Variants in SPAG16 observed in about 807,000 individuals in gnomAD.
SPAG16 encodes sperm associated antigen 16.
A neutral mutation model predicts 80.4 loss-of-function variants in SPAG16; 86 were observed. That is an observed-to-expected ratio of 1.07 (90% CI 0.90 to 1.28). The LOEUF is 1.28. Ranked by LOEUF, SPAG16 falls within the 50% of genes most tolerant of loss-of-function variation. The probability of loss-of-function intolerance (pLI) is 0.00; values close to 1 mark genes in which losing one functional copy is unlikely to be tolerated. For missense variants in SPAG16, 870 were observed against 765.3 expected, an observed-to-expected ratio of 1.14 and a Z score of -1.61; for synonymous variants, 294 against 265.9, an observed-to-expected ratio of 1.11 and a Z score of -1.03.
chr2:214,218,301 T>C (rs1489611797), intron 15 of SPAG16, among the ~76,000 whole-genome samples: 1 of 152,168 alleles, frequency 6.6e-6, no homozygotes, highest in African/African-American at 2.4e-5. Flanking sequence ...GGGGGACCCC[T>C]AGAAGTCCTG....
intron 12 of SPAG16, among the ~76,000 whole-genome samples, chr2:213,996,767 A>G (rs2046538421): frequency 6.6e-6 from 1 of 151,796 alleles, no homozygotes; most frequent in African/African-American, 2.4e-5. Context: ...ACGGGGTTTC[A>G]CCATGTTGGC....
chr2:213,624,662 C>G (rs2061898250), intron 10 of SPAG16, among the ~76,000 whole-genome samples: 1 of 152,204 alleles, frequency 6.6e-6, no homozygotes. Context: ...AGTTTCCACA[C>G]TTTTGACCAC....
chr2:214,050,135 A>G (rs1510553), intron 13 of SPAG16, among the ~76,000 whole-genome samples: 101,068 of 151,702 alleles, frequency 0.67, 35,063 homozygotes, highest in East Asian at 0.93. Flanking sequence ...AAGAGGCGAG[A>G]AGTGAAGCCA....
intron 5 of SPAG16, among the ~76,000 whole-genome samples, chr2:213,331,262 C>T (rs542898469): frequency 6.6e-6 from 1 of 152,286 alleles, no homozygotes; most frequent in Admixed American, 6.5e-5. Flanking sequence ...TCCCACATAA[C>T]ATTTCTAGAC....
At chr2:213,796,980 G>C (rs2071080592) in intron 10 of SPAG16, among the ~76,000 whole-genome samples, 1 of 151,734 alleles carries the variant, frequency 6.6e-6, no homozygotes, top group South Asian at 2.1e-4. Context: ...AAGTGATATT[G>C]ATGATCCTGA....
chr2:213,591,757 A>T (rs1318680148), intron 10 of SPAG16, among the ~76,000 whole-genome samples: 7 of 152,166 alleles, frequency 4.6e-5, no homozygotes, highest in Non-Finnish European at 1.0e-4. Context: ...AAGAAGAAAC[A>T]TGAGGAGTAA....
chr2:213,574,624 A>C (rs1026075093), intron 10 of SPAG16, among the ~76,000 whole-genome samples: 2 of 149,476 alleles, frequency 1.3e-5, no homozygotes, highest in African/African-American at 4.9e-5. Flanking sequence ...TGTAGTTGTA[A>C]CTCCTTACGA....
At chr2:213,389,178 T>C (rs2067606658) in intron 9 of SPAG16, among the ~76,000 whole-genome samples, 1 of 152,156 alleles carries the variant, frequency 6.6e-6, no homozygotes, top group South Asian at 2.1e-4. Flanking sequence ...AGACAGTCTT[T>C]TTACCAAATT....
chr2:213,787,456 A>G (rs965634653), intron 10 of SPAG16, among the ~76,000 whole-genome samples: 1 of 152,068 alleles, frequency 6.6e-6, no homozygotes, highest in Non-Finnish European at 1.5e-5. Context: ...TGTGTGAGAA[A>G]CTGAATGAAA....
intron 1 of SPAG16, among the ~76,000 whole-genome samples, chr2:213,286,768 A>G (rs1195695476): frequency 6.6e-6 from 1 of 152,216 alleles, no homozygotes; most frequent in African/African-American, 2.4e-5. Flanking sequence ...ATCGAGCAAG[A>G]CTTTGAAAGA....
At chr2:213,340,319 G>A in intron 6 of SPAG16, 49 bp downstream of exon 6, 1 of 1,230,252 alleles carries the variant, frequency 8.1e-7, no homozygotes, top group Non-Finnish European at 1.2e-6. Context: ...TTTAATACAT[G>A]TTAAGTAATT....
intron 15 of SPAG16, among the ~76,000 whole-genome samples, chr2:214,214,892 G>A (rs1309509817): frequency 6.6e-6 from 1 of 150,808 alleles, no homozygotes; most frequent in African/African-American, 2.4e-5. Flanking sequence ...GCAGCTGTCA[G>A]TATCTCACAG....
chr2:214,396,828 A>T (rs1701413677), intron 15 of SPAG16, among the ~76,000 whole-genome samples: 1 of 152,102 alleles, frequency 6.6e-6, no homozygotes, highest in South Asian at 2.1e-4. Flanking sequence ...TTATAGATCT[A>T]CATCAAGATC....
chr2:213,337,391 T>C (rs1307788707), intron 5 of SPAG16, among the ~76,000 whole-genome samples: 1 of 152,164 alleles, frequency 6.6e-6, no homozygotes, highest in Non-Finnish European at 1.5e-5. Flanking sequence ...TTGACAGAAG[T>C]AGGCTTCAGA....
At chr2:214,069,806 A>C (rs1449316623) in intron 13 of SPAG16, among the ~76,000 whole-genome samples, 1 of 152,056 alleles carries the variant, frequency 6.6e-6, no homozygotes, top group African/African-American at 2.4e-5. Context: ...AGATTTTATT[A>C]AAAATCTCAG....
intron 15 of SPAG16, among the ~76,000 whole-genome samples, chr2:214,158,556 A>G (rs73081029): frequency 0.01 from 1,531 of 152,168 alleles, 22 homozygotes; most frequent in African/African-American, 0.035. Flanking sequence ...TTACAGGACT[A>G]TATAAGAACC....
At chr2:214,312,896 G>C (rs1477105752) in intron 15 of SPAG16, among the ~76,000 whole-genome samples, 2 of 151,860 alleles carry the variant, frequency 1.3e-5, no homozygotes, top group Non-Finnish European at 2.9e-5. Context: ...CATTTCTATT[G>C]AGAGAGATCT....
At chr2:214,266,331 G>A (rs1042313396) in intron 15 of SPAG16, among the ~76,000 whole-genome samples, 4 of 151,898 alleles carry the variant, frequency 2.6e-5, no homozygotes, top group Non-Finnish European at 5.9e-5. Flanking sequence ...TAGAATCTTA[G>A]TAATGTTGAA....
intron 1 of SPAG16, chr2:213,285,966 A>C: frequency 2.5e-6 from 3 of 1,220,426 alleles, no homozygotes; most frequent in Non-Finnish European, 3.2e-6. Context: ...TATTTCCGTG[A>C]ACACATAGTT....
Sources: gnomAD v4.1 joint callset for allele counts (sites outside exome capture counted in the v4.1 genomes callset) on GRCh38, gnomAD v4.1.1 for gene constraint, MANE v1.5 for transcripts, NCBI Gene and HGNC (gene_info 2026-07-23, HGNC 2026-07-21) for gene names.